The following ATG10 variants were observed in gnomAD, a reference collection of about 807,000 sequenced individuals.
ATG10 encodes autophagy related 10.
A neutral mutation model predicts 32.1 loss-of-function variants in ATG10; 30 were observed. The observed-to-expected ratio is 0.94, with a 90% CI of 0.70 to 1.27. The LOEUF (loss-of-function observed/expected upper bound fraction) is 1.27, where lower values mean the gene tolerates loss of function less well. ATG10 is among the 50% of genes most tolerant of loss of function. The probability of loss-of-function intolerance (pLI) is 0.00; values close to 1 mark genes in which losing one functional copy is unlikely to be tolerated. For synonymous variants in ATG10, 87 were observed against 91.5 expected, an observed-to-expected ratio of 0.95 and a Z score of 0.28; for missense variants, 233 against 262.3, an observed-to-expected ratio of 0.89 and a Z score of 0.77.
intron 5 of ATG10, among the ~76,000 whole-genome samples, chr5:82,212,172 T>C (rs1301273670): frequency 6.6e-6 from 1 of 152,210 alleles, no homozygotes; most frequent in Non-Finnish European, 1.5e-5. Flanking sequence ...TGAGAATAGA[T>C]ATAATCAGAA....
chr5:82,251,576 G>C (rs1165728561), intron 5 of ATG10, among the ~76,000 whole-genome samples: 9 of 152,168 alleles, frequency 5.9e-5, no homozygotes, highest in Admixed American at 5.2e-4. Context: ...GGTGCACTCG[G>C]CAGTTTCTCA....
At chr5:82,080,546 G>A (rs1238491059) in intron 3 of ATG10, among the ~76,000 whole-genome samples, 5 of 152,200 alleles carry the variant, frequency 3.3e-5, no homozygotes, top group Non-Finnish European at 5.9e-5. Flanking sequence ...TGTATAAGGT[G>A]TAAGGAAGGG....
chr5:81,985,298 GTTGGAAAAA>G lies in ATG10; in HGVS notation c.-12-2258_-12-2250del, dbSNP rs1314945009. Among the ~76,000 whole-genome samples, 4 of 152,138 alleles carry G rather than the reference GTTGGAAAAA, an allele frequency of 2.6e-5. No homozygotes were observed. In the East Asian group the frequency reaches 7.7e-4, roughly 29 times the overall value. On this transcript the variant is annotated intron_variant, in intron 1 of 7. Coordinates refer to ENST00000282185, the MANE Select transcript of ATG10 (RefSeq NM_031482.5). ...CAGTATATGTCAGGATCATCATACA[GTTGGAAAAA>G]TTTCCTCTGGCTACACCATATTAGT... is the stretch of plus-strand genomic sequence containing the variant.
chr5:81,993,665 A>G (rs1188334583), intron 2 of ATG10, among the ~76,000 whole-genome samples: 1 of 151,650 alleles, frequency 6.6e-6, no homozygotes, highest in African/African-American at 2.4e-5. Context: ...TGACCTCGTG[A>G]TCCGCCTGCC....
At chr5:82,019,175 T>C (rs985703705) in intron 2 of ATG10, among the ~76,000 whole-genome samples, 8 of 152,274 alleles carry the variant, frequency 5.3e-5, no homozygotes, top group African/African-American at 1.9e-4. Flanking sequence ...AACAAGTCAG[T>C]ATTCCTTTTT....
intron 2 of ATG10, chr5:82,009,573 T>C (rs1762072959): frequency 2.6e-6 from 4 of 1,546,712 alleles, no homozygotes; most frequent in South Asian, 1.1e-5. Context: ...GGTCTGGTGG[T>C]TAAGATAAAA....
At chr5:82,015,947 T>G (rs1441215675) in intron 2 of ATG10, among the ~76,000 whole-genome samples, 4 of 152,346 alleles carry the variant, frequency 2.6e-5, no homozygotes, top group East Asian at 1.9e-4. Flanking sequence ...TTCCCCATCT[T>G]CATGGTTTTA....
At position 82,249,609 on chromosome 5, in the gene ATG10, C is replaced by T. The variant is rs568194522; in HGVS notation, c.454-2953C>T. On this transcript the variant is annotated intron_variant, in intron 5 of 7. Transcript: ENST00000282185. The stretch of plus-strand genomic sequence containing the variant: ...TCTCTGAGACAGATACTATCATTAG[C>T]CACAGTTACCAGATGAGGAAACAGA... Among the ~76,000 whole-genome samples the T allele has an allele frequency of 2.6e-5, 4 of 152,262 alleles. No homozygotes were observed. In the South Asian group the frequency reaches 8.3e-4, roughly 32 times the overall value.
intron 5 of ATG10, among the ~76,000 whole-genome samples, chr5:82,230,017 A>G (rs1365356833): frequency 6.6e-6 from 1 of 152,212 alleles, no homozygotes; most frequent in African/African-American, 2.4e-5. Flanking sequence ...CCAAGGACAT[A>G]ATGTGGTTAT....
chr5:81,980,874 T>G (rs1761026774), intron 1 of ATG10, among the ~76,000 whole-genome samples: 1 of 152,146 alleles, frequency 6.6e-6, no homozygotes, highest in African/African-American at 2.4e-5. Flanking sequence ...CAGGATCTGT[T>G]TCTCTGAAGG....
intron 3 of ATG10, among the ~76,000 whole-genome samples, chr5:82,061,767 TA>T (rs1485433800): frequency 8.9e-6 from 1 of 111,984 alleles, no homozygotes; most frequent in Non-Finnish European, 1.9e-5. Flanking sequence ...TATACATATA[TA>T]TACATGTACA....
At chr5:81,974,686 A>C (rs755184917) in intron 1 of ATG10, among the ~76,000 whole-genome samples, 2 of 152,092 alleles carry the variant, frequency 1.3e-5, no homozygotes, top group African/African-American at 2.4e-5. Context: ...CACAATTAGA[A>C]GGCACTACAC....
chr5:82,067,787 A>G (rs1042975314), intron 3 of ATG10, among the ~76,000 whole-genome samples: 1 of 152,232 alleles, frequency 6.6e-6, no homozygotes, highest in Non-Finnish European at 1.5e-5. Context: ...TTAAGCTAGT[A>G]GAAAAGCCTT....
At chr5:82,188,727 C>T (rs538712226) in intron 5 of ATG10, among the ~76,000 whole-genome samples, 1 of 152,192 alleles carries the variant, frequency 6.6e-6, no homozygotes, top group South Asian at 2.1e-4. Flanking sequence ...AACACAGGCT[C>T]TGCTGCTACA....
At chr5:82,132,585 C>G (rs1048234055) in intron 3 of ATG10, among the ~76,000 whole-genome samples, 7 of 152,034 alleles carry the variant, frequency 4.6e-5, no homozygotes, top group African/African-American at 1.4e-4. Flanking sequence ...GACATGAACT[C>G]ATCCTTTTTT....
chr5:82,190,408 T>C (rs1449002824), intron 5 of ATG10, among the ~76,000 whole-genome samples: 1 of 151,878 alleles, frequency 6.6e-6, no homozygotes, highest in Non-Finnish European at 1.5e-5. Context: ...ACCCTTTTAT[T>C]TTGAAATTTA....
chr5:82,123,383 G>T (rs1766125382), intron 3 of ATG10, among the ~76,000 whole-genome samples: 1 of 152,144 alleles, frequency 6.6e-6, no homozygotes, highest in South Asian at 2.1e-4. Context: ...AGGGTGAAAA[G>T]AGGAAGAGGA....
At chr5:81,980,288 T>C (rs1760998478) in intron 1 of ATG10, among the ~76,000 whole-genome samples, 1 of 152,206 alleles carries the variant, frequency 6.6e-6, no homozygotes, top group African/African-American at 2.4e-5. Flanking sequence ...GTAAGTCCAT[T>C]ACAGGAGCAA....
At chr5:82,178,063 A>C (rs937867982) in intron 4 of ATG10, among the ~76,000 whole-genome samples, 15 of 152,162 alleles carry the variant, frequency 9.9e-5, no homozygotes, top group Non-Finnish European at 2.1e-4. Context: ...TAGATACTCC[A>C]TGAGAATGTG....
Sources: gnomAD v4.1 joint callset for allele counts (sites outside exome capture counted in the v4.1 genomes callset) on GRCh38, gnomAD v4.1.1 for gene constraint, MANE v1.5 for transcripts, NCBI Gene and HGNC (gene_info 2026-07-23, HGNC 2026-07-21) for gene names.